EXOC6B: variants seen among roughly 807,000 people sequenced by gnomAD.
EXOC6B encodes SEC15 homolog B.
A neutral mutation model predicts 113.5 loss-of-function variants in EXOC6B; 54 were observed. The ratio of observed to expected loss-of-function variants is 0.48; its 90% CI spans 0.38 to 0.60. The LOEUF (loss-of-function observed/expected upper bound fraction) is 0.60. Ranked by LOEUF, EXOC6B falls within the 20% of genes least tolerant of loss-of-function variation. EXOC6B has a pLI of 0.00. For synonymous variants in EXOC6B, 357 were observed against 339.0 expected (o/e 1.05, Z -0.58); for missense variants, 797 against 977.5 (o/e 0.82, Z 2.46).
chr2:72,542,437 T>C (rs1248350108), intron 8 of EXOC6B, among the ~76,000 whole-genome samples: 1 of 152,240 alleles, frequency 6.6e-6, no homozygotes, highest in African/African-American at 2.4e-5. Context: ...TTCTAGCATT[T>C]CACCTCTAGA....
At chr2:72,411,850 G>A (rs1694207165) in intron 18 of EXOC6B, among the ~76,000 whole-genome samples, 1 of 152,128 alleles carries the variant, frequency 6.6e-6, no homozygotes, top group Admixed American at 6.5e-5. Context: ...GATGCCTGAG[G>A]AGATAGAGTC....
chr2:72,223,423 T>C (rs1460368907), intron 20 of EXOC6B, among the ~76,000 whole-genome samples: 4 of 152,206 alleles, frequency 2.6e-5, no homozygotes, highest in Non-Finnish European at 4.4e-5. Context: ...GTATTCCTGA[T>C]GAATAGTAGA....
At chr2:72,370,592 G>A (rs1291012706) in intron 19 of EXOC6B, among the ~76,000 whole-genome samples, 4 of 152,136 alleles carry the variant, frequency 2.6e-5, no homozygotes, top group Non-Finnish European at 5.9e-5. Context: ...ACTCACAATG[G>A]CAAAGACTTG....
At chr2:72,360,400 T>A (rs1690238878) in intron 19 of EXOC6B, among the ~76,000 whole-genome samples, 1 of 152,168 alleles carries the variant, frequency 6.6e-6, no homozygotes. Context: ...CTCAGATACT[T>A]CTTTATACTA....
At chr2:72,775,407 T>C (rs545075411) in intron 1 of EXOC6B, among the ~76,000 whole-genome samples, 1 of 152,348 alleles carries the variant, frequency 6.6e-6, no homozygotes, top group East Asian at 1.9e-4. Flanking sequence ...CATAAACCTA[T>C]GGCCTTCTCA....
intron 20 of EXOC6B, among the ~76,000 whole-genome samples, chr2:72,332,269 G>T (rs186445624): frequency 1.3e-5 from 2 of 151,980 alleles, no homozygotes; most frequent in Admixed American, 6.6e-5. Flanking sequence ...CAGGAGGTCA[G>T]TTATAGGTTT....
intron 18 of EXOC6B, among the ~76,000 whole-genome samples, chr2:72,428,639 G>C (rs1412506242): frequency 1.3e-5 from 2 of 152,216 alleles, no homozygotes; most frequent in African/African-American, 2.4e-5. Flanking sequence ...CTACCAGGCT[G>C]AGTGGGTGGA....
intron 1 of EXOC6B, among the ~76,000 whole-genome samples, chr2:72,768,288 CTTT>C (rs200442752): frequency 7.6e-5 from 8 of 105,348 alleles, no homozygotes; most frequent in Non-Finnish European, 1.2e-4. Context: ...AGAATGCAAG[CTTT>C]TTTTTTTTTT....
At chr2:72,356,480 T>A (rs1023828855) in intron 19 of EXOC6B, among the ~76,000 whole-genome samples, 1 of 152,138 alleles carries the variant, frequency 6.6e-6, no homozygotes, top group Non-Finnish European at 1.5e-5. Flanking sequence ...TGTAGTGTGC[T>A]ATGATTGCCC....
At chr2:72,716,708 T>A (rs78419523) in intron 6 of EXOC6B, among the ~76,000 whole-genome samples, 321 of 152,282 alleles carry the variant, frequency 2.1e-3, no homozygotes, top group African/African-American at 7.2e-3. Context: ...TGAGGCAAGT[T>A]ACTTCCCTCC....
At chr2:72,486,680 G>T (rs553882472) in intron 16 of EXOC6B, among the ~76,000 whole-genome samples, 30 of 152,190 alleles carry the variant, frequency 2.0e-4, no homozygotes, top group Admixed American at 5.2e-4. Flanking sequence ...ATTCTTACCT[G>T]TTACCAGAGG....
intron 20 of EXOC6B, among the ~76,000 whole-genome samples, chr2:72,193,502 CA>C (rs1678981201): frequency 6.6e-6 from 1 of 152,100 alleles, no homozygotes; most frequent in South Asian, 2.1e-4. Flanking sequence ...AATTGAGTAC[CA>C]ACAATGTCTC....
chr2:72,687,900 T>C (rs1391058574), intron 6 of EXOC6B, among the ~76,000 whole-genome samples: 1 of 152,220 alleles, frequency 6.6e-6, no homozygotes, highest in Non-Finnish European at 1.5e-5. Context: ...ACATAGTGCA[T>C]GCTGATATCC....
chr2:72,700,386 A>G (rs1678230758), intron 6 of EXOC6B, among the ~76,000 whole-genome samples: 1 of 152,194 alleles, frequency 6.6e-6, no homozygotes, highest in South Asian at 2.1e-4. Flanking sequence ...AAAAATCTAT[A>G]CATTTAGAGA....
intron 20 of EXOC6B, among the ~76,000 whole-genome samples, chr2:72,249,210 G>A (rs1257033944): frequency 1.3e-5 from 2 of 152,192 alleles, no homozygotes; most frequent in African/African-American, 4.8e-5. Flanking sequence ...AGGCTGTAGT[G>A]AGCTAGGATC....
chr2:72,730,727 A>C (rs1680587446), intron 5 of EXOC6B, among the ~76,000 whole-genome samples: 1 of 151,970 alleles, frequency 6.6e-6, no homozygotes, highest in Non-Finnish European at 1.5e-5. Context: ...ACATATCTCA[A>C]ACCAACTATC....
chr2:72,283,409 C>T (rs1685247585), intron 20 of EXOC6B, among the ~76,000 whole-genome samples: 1 of 152,084 alleles, frequency 6.6e-6, no homozygotes, highest in African/African-American at 2.4e-5. Flanking sequence ...ATTGGAAGGA[C>T]AGATAGATAA....
intron 18 of EXOC6B, among the ~76,000 whole-genome samples, chr2:72,417,108 T>C (rs1694571762): frequency 6.6e-6 from 1 of 152,226 alleles, no homozygotes; most frequent in Non-Finnish European, 1.5e-5. Flanking sequence ...ATCAGTCAGC[T>C]TATACTCAAT....
intron 8 of EXOC6B, among the ~76,000 whole-genome samples, chr2:72,540,493 C>A (rs144085095): frequency 2.6e-5 from 4 of 152,040 alleles, no homozygotes; most frequent in African/African-American, 7.2e-5. Flanking sequence ...TTATATGTAT[C>A]ATATCTATTT....
Sources: gnomAD v4.1 joint callset for allele counts (sites outside exome capture counted in the v4.1 genomes callset) on GRCh38, gnomAD v4.1.1 for gene constraint, MANE v1.5 for transcripts, NCBI Gene and HGNC (gene_info 2026-07-23, HGNC 2026-07-21) for gene names.